The following FNDC3A variants were observed in gnomAD, a reference collection of about 807,000 sequenced individuals.
FNDC3A encodes the protein fibronectin type III domain containing 3A, also known as fibronectin type-III domain-containing protein 3A.
In FNDC3A, 32 loss-of-function variants were observed where a neutral mutation model predicts 148.9. The observed-to-expected ratio is 0.21, with a 90% CI of 0.16 to 0.29. FNDC3A has a LOEUF of 0.29. FNDC3A is among the 10% of genes least tolerant of loss of function. FNDC3A has a pLI of 1.00. For synonymous variants in FNDC3A, 472 were observed against 473.6 expected (o/e 1.00, Z 0.04); for missense variants, 1,191 against 1,452.8 (o/e 0.82, Z 2.93).
At chr13:49,163,553 C>G (rs1884289386) in intron 8 of FNDC3A, among the ~76,000 whole-genome samples, 1 of 152,176 alleles carries the variant, frequency 6.6e-6, no homozygotes, top group Non-Finnish European at 1.5e-5. Context: ...CTTCCCTTGG[C>G]TAGGAAAAGG....
intron 10 of FNDC3A, among the ~76,000 whole-genome samples, chr13:49,170,081 C>G (rs978582676): frequency 6.6e-6 from 1 of 151,944 alleles, no homozygotes; most frequent in African/African-American, 2.4e-5. Flanking sequence ...TCCTAACATC[C>G]CTATATAAGA....
intron 3 of FNDC3A, among the ~76,000 whole-genome samples, chr13:49,098,304 G>A (rs9568150): frequency 0.61 from 93,141 of 151,868 alleles, 29,357 homozygotes; most frequent in Non-Finnish European, 0.68. Flanking sequence ...TGGCCTTAAT[G>A]TTTGATCCTG....
chr13:49,186,159 G>T, intron 15 of FNDC3A, 57 bp downstream of exon 15: 1 of 1,358,592 alleles, frequency 7.4e-7, no homozygotes, highest in South Asian at 1.3e-5. Context: ...AAAATAATTT[G>T]AATATGAAGA....
intron 12 of FNDC3A, 25 bp downstream of exon 12, chr13:49,174,584 G>T (rs1884929541): frequency 6.4e-7 from 1 of 1,568,688 alleles, no homozygotes; most frequent in South Asian, 1.2e-5. Flanking sequence ...ATAAAAGAAT[G>T]TAAATATTTT....
intron 16 of FNDC3A, chr13:49,187,673 C>T (rs540278290): frequency 1.2e-5 from 19 of 1,584,366 alleles, no homozygotes; most frequent in South Asian, 3.3e-5. Context: ...CCCAACGTAG[C>T]GCTGCTGGAA....
At chr13:49,118,820 G>T (rs370707819) in intron 4 of FNDC3A, among the ~76,000 whole-genome samples, 11 of 152,228 alleles carry the variant, frequency 7.2e-5, no homozygotes, top group African/African-American at 2.4e-4. Flanking sequence ...TCCTCTCTGG[G>T]CAGGGCATCT....
intron 2 of FNDC3A, among the ~76,000 whole-genome samples, chr13:49,023,530 T>C (rs962026132): frequency 1.3e-5 from 2 of 151,732 alleles, no homozygotes; most frequent in Non-Finnish European, 3.0e-5. Flanking sequence ...AAATGAAACA[T>C]AATGGTCCTG....
At chr13:49,024,486 A>C (rs543612725) in intron 2 of FNDC3A, among the ~76,000 whole-genome samples, 1 of 152,088 alleles carries the variant, frequency 6.6e-6, no homozygotes, top group African/African-American at 2.4e-5. Flanking sequence ...ACAAAATACT[A>C]TGTAACAAAC....
chr13:49,004,674 G>A (rs576679841), intron 1 of FNDC3A, among the ~76,000 whole-genome samples: 21 of 151,796 alleles, frequency 1.4e-4, no homozygotes, highest in African/African-American at 4.3e-4. Flanking sequence ...TAATAATGGC[G>A]GCCTGCAGTT....
chr13:49,041,549 G>A (rs1490337715), intron 2 of FNDC3A, among the ~76,000 whole-genome samples: 1 of 152,118 alleles, frequency 6.6e-6, no homozygotes, highest in Non-Finnish European at 1.5e-5. Context: ...AGTGGCTCAC[G>A]CCTGTAATCC....
At chr13:49,201,758 T>C in intron 23 of FNDC3A, 42 bp from the exon 24 acceptor site, 1 of 978,778 alleles carries the variant, frequency 1.0e-6, no homozygotes. Flanking sequence ...TAAGGTATCA[T>C]AAGGTAGTAT....
At chr13:49,002,779 C>T (rs1257565995) in intron 1 of FNDC3A, among the ~76,000 whole-genome samples, 1 of 152,136 alleles carries the variant, frequency 6.6e-6, no homozygotes, top group Non-Finnish European at 1.5e-5. Context: ...ATCACTAGTT[C>T]ATTAATTTTC....
chr13:49,134,818 TTTTTTTGAGATGGAGTTTCACTC>T (rs1882240165), intron 5 of FNDC3A, among the ~76,000 whole-genome samples: 1 of 131,050 alleles, frequency 7.6e-6, no homozygotes, highest in African/African-American at 2.9e-5. Flanking sequence ...TTTTTTTTTT[TTTTTTTGAGATGGAGTTTCACTC>T]TTTTTTTTTT....
At chr13:49,148,093 G>T (rs1883092106) in intron 8 of FNDC3A, among the ~76,000 whole-genome samples, 1 of 152,040 alleles carries the variant, frequency 6.6e-6, no homozygotes, top group Non-Finnish European at 1.5e-5. Context: ...CTGTTGAGTT[G>T]AATTCCTTGT....
intron 15 of FNDC3A, among the ~76,000 whole-genome samples, chr13:49,186,679 C>T (rs1480465561): frequency 1.3e-5 from 2 of 152,022 alleles, no homozygotes; most frequent in Non-Finnish European, 2.9e-5. Context: ...ACCAGCCTGG[C>T]CAACATGGTG....
rs752421160 is a variant in FNDC3A, at chr13:49,207,429, T to G, written c.*34T>G. 5 of 1,312,576 alleles carry G rather than the reference T, an allele frequency of 3.8e-6. No individual in the cohort carries two copies. Among genetic ancestry groups the G allele is most frequent in the Non-Finnish European group, 5.3e-6 (5 of 947,784 alleles). 81.3% of individuals were successfully genotyped at this position (1,312,576 alleles called of 1,614,324 possible). ...CTTTATTTTTTAACTCTATTACATTTTATTTTGTCATGTACTAAAATTATT... is the reference window on the plus strand; with the variant it reads ...CTTTATTTTTTAACTCTATTACATTGTATTTTGTCATGTACTAAAATTATT... On this transcript the variant is annotated 3_prime_UTR_variant, in exon 26 of 26. Coordinates refer to ENST00000492622, the MANE Select transcript of FNDC3A (RefSeq NM_001079673.2).
At chr13:48,997,900 T>TAA (rs757898281) in intron 1 of FNDC3A, among the ~76,000 whole-genome samples, 2 of 139,184 alleles carry the variant, frequency 1.4e-5, no homozygotes, top group Non-Finnish European at 1.6e-5. Context: ...GTGTGTGCAT[T>TAA]AAAAAAAAAA....
chr13:49,091,270 A>C (rs1401130870), intron 3 of FNDC3A, among the ~76,000 whole-genome samples: 3 of 152,120 alleles, frequency 2.0e-5, no homozygotes, highest in Admixed American at 6.6e-5. Flanking sequence ...TGCCCATTCA[A>C]AGGAAAAAAA....
At chr13:49,068,815 T>C (rs1160382177) in intron 2 of FNDC3A, among the ~76,000 whole-genome samples, 2 of 152,052 alleles carry the variant, frequency 1.3e-5, no homozygotes, top group African/African-American at 4.8e-5. Flanking sequence ...AGAAAACAAA[T>C]ACAACATGTT....
Sources: gnomAD v4.1 joint callset for allele counts (sites outside exome capture counted in the v4.1 genomes callset) on GRCh38, gnomAD v4.1.1 for gene constraint, MANE v1.5 for transcripts, NCBI Gene and HGNC (gene_info 2026-07-23, HGNC 2026-07-21) for gene names.